The following CCSER1 variants were observed in gnomAD, a reference collection of about 807,000 sequenced individuals.
CCSER1 encodes the protein coiled-coil serine rich protein 1.
CCSER1 carries 41 observed loss-of-function variants against 82.0 expected under a neutral mutation model. The observed-to-expected ratio is 0.50, with a 90% CI of 0.39 to 0.65. The LOEUF (loss-of-function observed/expected upper bound fraction) is 0.65, where lower values mean the gene tolerates loss of function less well. Among genes scored for constraint, CCSER1 ranks in the 30% least tolerant of loss-of-function variants. The pLI, the probability that CCSER1 is intolerant of heterozygous loss-of-function variation, is 0.00. For synonymous variants in CCSER1, 414 were observed against 383.9 expected, an observed-to-expected ratio of 1.08 and a Z score of -0.92; for missense variants, 1,119 against 1,064.2, an observed-to-expected ratio of 1.05 and a Z score of -0.72.
intron 10 of CCSER1, among the ~76,000 whole-genome samples, chr4:91,264,000 T>G (rs1159464612): frequency 6.6e-6 from 1 of 151,958 alleles, no homozygotes; most frequent in Non-Finnish European, 1.5e-5. Flanking sequence ...AGATTATATT[T>G]CTATGTTTTA....
chr4:90,621,637 GT>G (rs1381510059), intron 5 of CCSER1, among the ~76,000 whole-genome samples: 2 of 152,060 alleles, frequency 1.3e-5, no homozygotes, highest in African/African-American at 2.4e-5. Flanking sequence ...TCTGTAAATT[GT>G]TTTTCTGCTT....
chr4:90,548,219 G>A (rs940464055), intron 5 of CCSER1, among the ~76,000 whole-genome samples: 14 of 152,108 alleles, frequency 9.2e-5, no homozygotes, highest in South Asian at 6.2e-4. Flanking sequence ...GGACTCTTAC[G>A]CAGCTAAAGG....
At chr4:90,872,918 T>A (rs13104288) in intron 8 of CCSER1, among the ~76,000 whole-genome samples, 1,737 of 152,132 alleles carry the variant, frequency 0.011, 18 homozygotes, top group Non-Finnish European at 0.019. Context: ...GCATATCAGG[T>A]TTCTACTAAG....
intron 6 of CCSER1, among the ~76,000 whole-genome samples, chr4:90,648,345 G>GAA (rs1193478600): frequency 4.0e-5 from 6 of 150,938 alleles, no homozygotes; most frequent in African/African-American, 1.5e-4. Context: ...AAGAAAGAGA[G>GAA]TTGCCCTCAA....
intron 9 of CCSER1, among the ~76,000 whole-genome samples, chr4:91,024,351 A>G (rs539558329): frequency 5.9e-5 from 9 of 152,260 alleles, no homozygotes; most frequent in African/African-American, 1.9e-4. Context: ...ACTATTCTGT[A>G]TGTTTTTGCT....
At chr4:90,651,799 G>T (rs1318377099) in intron 6 of CCSER1, among the ~76,000 whole-genome samples, 1 of 152,096 alleles carries the variant, frequency 6.6e-6, no homozygotes, top group East Asian at 1.9e-4. Context: ...ACAAGTTTTG[G>T]CAGGTTTGCT....
At chr4:91,437,949 G>A (rs1754788182) in intron 10 of CCSER1, among the ~76,000 whole-genome samples, 1 of 152,186 alleles carries the variant, frequency 6.6e-6, no homozygotes, top group African/African-American at 2.4e-5. Context: ...CCATTGCCCA[G>A]GCTTGCTTAG....
At chr4:91,164,325 G>A (rs1027598068) in intron 10 of CCSER1, among the ~76,000 whole-genome samples, 5 of 152,140 alleles carry the variant, frequency 3.3e-5, no homozygotes, top group Non-Finnish European at 7.3e-5. Flanking sequence ...GCTTCCCTTT[G>A]TGGGTAACCC....
At chr4:91,277,573 T>A (rs1157707710) in intron 10 of CCSER1, among the ~76,000 whole-genome samples, 2 of 151,298 alleles carry the variant, frequency 1.3e-5, no homozygotes, top group African/African-American at 4.8e-5. Context: ...TTTTTTCCTC[T>A]TTTTCTTGGT....
intron 10 of CCSER1, among the ~76,000 whole-genome samples, chr4:91,463,147 C>T (rs1230851367): frequency 1.3e-5 from 2 of 152,172 alleles, no homozygotes; most frequent in African/African-American, 4.8e-5. Context: ...CCAAGTAACC[C>T]TCTGAGACAA....
At chr4:90,198,833 G>A (rs563126516) in intron 1 of CCSER1, among the ~76,000 whole-genome samples, 1 of 152,216 alleles carries the variant, frequency 6.6e-6, no homozygotes, top group Non-Finnish European at 1.5e-5. Context: ...AGCTTTGCAT[G>A]AATAGGATAG....
chr4:91,471,712 G>C (rs1466195527), intron 10 of CCSER1, among the ~76,000 whole-genome samples: 1 of 152,120 alleles, frequency 6.6e-6, no homozygotes, highest in Admixed American at 6.5e-5. Context: ...TGTGTGTGTT[G>C]CATAAGGATA....
chr4:91,541,057 G>C (rs1761567228), intron 10 of CCSER1, among the ~76,000 whole-genome samples: 2 of 151,980 alleles, frequency 1.3e-5, no homozygotes, highest in Admixed American at 6.6e-5. Flanking sequence ...TTTTATAATT[G>C]ATTTGTCAAT....
At chr4:91,059,314 A>ATATATATACATATAGTGTATATATATGTG (rs143542135) in intron 9 of CCSER1, among the ~76,000 whole-genome samples, 36,630 of 142,968 alleles carry the variant, frequency 0.26, 4,986 homozygotes, top group Non-Finnish European at 0.28. Context: ...ATACGTGTAT[A>ATATATATACATATAGTGTATATATATGTG]TATATATACA....
chr4:90,325,082 A>G (rs2153490395), intron 3 of CCSER1, among the ~76,000 whole-genome samples: 1 of 152,212 alleles, frequency 6.6e-6, no homozygotes. Context: ...CATGTTATTA[A>G]AACCAGGTAC....
chr4:90,200,425 T>A (rs1425863838), intron 1 of CCSER1, among the ~76,000 whole-genome samples: 1 of 152,076 alleles, frequency 6.6e-6, no homozygotes, highest in African/African-American at 2.4e-5. Flanking sequence ...AAGAGATATT[T>A]TTCCTTATTT....
In CCSER1 at chr4:90,350,553, A is replaced by G. The variant is rs1406413003; in HGVS notation, c.1509+37506A>G. Among the ~76,000 whole-genome samples the G allele has an allele frequency of 2.0e-5, 3 of 152,246 alleles. No individual in the cohort carries two copies. The East Asian group carries it at 5.8e-4, about 29-fold the overall frequency. ...GAGTAATTTGAAAAACAACAAGGCC[A>G]AAATAAAAACCAACAATTTAATTAA... On this transcript the variant is annotated intron_variant, in intron 3 of 10. Transcript: ENST00000509176.
chr4:90,307,922 CA>C (rs1252848674), intron 1 of CCSER1, among the ~76,000 whole-genome samples: 1 of 152,012 alleles, frequency 6.6e-6, no homozygotes, highest in Non-Finnish European at 1.5e-5. Flanking sequence ...AACAGTTTAC[CA>C]AAATTATGGA....
At chr4:91,354,632 A>G (rs557589905) in intron 10 of CCSER1, among the ~76,000 whole-genome samples, 11 of 152,304 alleles carry the variant, frequency 7.2e-5, no homozygotes, top group African/African-American at 2.2e-4. Context: ...TTCCTTCTTT[A>G]GCTATGCAAT....
Sources: gnomAD v4.1 joint callset for allele counts (sites outside exome capture counted in the v4.1 genomes callset) on GRCh38, gnomAD v4.1.1 for gene constraint, MANE v1.5 for transcripts, NCBI Gene and HGNC (gene_info 2026-07-23, HGNC 2026-07-21) for gene names.